Variants in NDE1 observed in about 807,000 individuals in gnomAD.
The protein encoded by NDE1 is nuclear distribution protein nudE homolog 1.
Under a neutral mutation model 43.4 loss-of-function variants are expected in NDE1, and 28 were observed. The observed-to-expected ratio is 0.65, with a 90% CI of 0.48 to 0.89. The LOEUF (loss-of-function observed/expected upper bound fraction) is 0.89, where lower values mean the gene tolerates loss of function less well. Ranked by LOEUF, NDE1 falls within the 40% of genes least tolerant of loss-of-function variation. The pLI, the probability that NDE1 is intolerant of heterozygous loss-of-function variation, is 0.00. For synonymous variants in NDE1, 184 were observed against 172.0 expected (o/e 1.07, Z -0.55); for missense variants, 441 against 434.1 (o/e 1.02, Z -0.14).
rs367862587 is a variant in NDE1 at position 15,704,401 on chromosome 16, AAT to A, written c.947+7544_947+7545del. 6.5e-3 allele frequency among the ~76,000 whole-genome samples: 990 copies of A among 152,250 alleles called. 12 individuals carry two copies. The highest frequency in any genetic ancestry group is 0.023 in the African/African-American group (953 of 41,542). ...TTCAAAGCAAGACGATCTGCTTTTC[AAT>A]ATGTCAGGCTTGGTCATTTGAGAAG... is the stretch of plus-strand genomic sequence containing the variant. On this transcript the variant is annotated intron_variant, in intron 8 of 8. Coordinates refer to ENST00000396354, the MANE Select transcript of NDE1 (RefSeq NM_017668.3).
chr16:15,717,835 G>C (rs1369262870), intron 8 of NDE1: 5 of 262,918 alleles, frequency 1.9e-5, no homozygotes, highest in South Asian at 9.5e-5. Flanking sequence ...TGCCACCCAG[G>C]CTGAGCGAGT....
chr16:15,716,187 C>T (rs549943402), intron 8 of NDE1, among the ~76,000 whole-genome samples: 2 of 152,256 alleles, frequency 1.3e-5, no homozygotes, highest in South Asian at 4.1e-4. Flanking sequence ...CCTACCTCAG[C>T]CTCCCAAAGT....
intron 4 of NDE1, among the ~76,000 whole-genome samples, chr16:15,678,858 C>T (rs1027189956): frequency 3.3e-5 from 5 of 152,030 alleles, no homozygotes; most frequent in Non-Finnish European, 7.4e-5. Context: ...GGGCGGATCA[C>T]GAGGTCAGGA....
At chr16:15,653,430 G>A (rs368651250) in intron 1 of NDE1, among the ~76,000 whole-genome samples, 6 of 152,240 alleles carry the variant, frequency 3.9e-5, no homozygotes, top group African/African-American at 1.4e-4. Context: ...CCTGGCTGTC[G>A]GAGCATGTGT....
chr16:15,693,624 G>C (rs2038862112), intron 6 of NDE1, among the ~76,000 whole-genome samples: 1 of 151,940 alleles, frequency 6.6e-6, no homozygotes, highest in South Asian at 2.1e-4. Context: ...AACATAGTGA[G>C]ACCCTGTCTC....
intron 1 of NDE1, among the ~76,000 whole-genome samples, chr16:15,657,507 A>C (rs898828626): frequency 2.0e-5 from 3 of 152,192 alleles, no homozygotes; most frequent in Non-Finnish European, 4.4e-5. Context: ...ATCTGGGCTC[A>C]TTAGAGCTTA....
intron 6 of NDE1, among the ~76,000 whole-genome samples, chr16:15,693,060 G>T (rs2038831805): frequency 1.3e-5 from 2 of 151,622 alleles, no homozygotes; most frequent in South Asian, 4.2e-4. Context: ...GAGTGCAGCG[G>T]CATTGATCTT....
At chr16:15,648,941 A>G (rs1006981236), upstream of NDE1, among the ~76,000 whole-genome samples, 1 of 152,144 alleles carries the variant, frequency 6.6e-6, no homozygotes, top group Non-Finnish European at 1.5e-5. Context: ...CACGCCTGTA[A>G]TCCCAGGACT....
At chr16:15,724,016 A>G in intron 8 of NDE1, 175 bp from the exon 9 acceptor site, 1 of 1,408,874 alleles carries the variant, frequency 7.1e-7, no homozygotes, top group Non-Finnish European at 9.8e-7. Flanking sequence ...TGGTCGCCCA[A>G]GACAAGATAA....
intron 1 of NDE1, among the ~76,000 whole-genome samples, chr16:15,663,198 C>T (rs2037134351): frequency 6.6e-6 from 1 of 151,918 alleles, no homozygotes; most frequent in South Asian, 2.1e-4. Flanking sequence ...CTCATTCCTT[C>T]TTCCCCTGCT....
chr16:15,714,205 G>C (rs1271503996), intron 8 of NDE1: 2 of 153,778 alleles, frequency 1.3e-5, no homozygotes, highest in Non-Finnish European at 2.9e-5. Flanking sequence ...GCCCTTGGGA[G>C]CAGGGGGGAC....
At chr16:15,720,377 G>C in intron 8 of NDE1, 1 of 1,560,512 alleles carries the variant, frequency 6.4e-7, no homozygotes, top group South Asian at 1.2e-5. Context: ...GCTCACCTAG[G>C]CAGCACATCA....
chr16:15,725,889 T>TA lies in NDE1; in HGVS notation c.*1640dup, dbSNP rs1320564133. Reference sequence around the variant, plus strand: ...CCCAGAGTAAGGATCAACATACATGTAATAGGTTCTCAAAAGCCCTACATC... The same window carrying TA: ...CCCAGAGTAAGGATCAACATACATGTAAATAGGTTCTCAAAAGCCCTACATC... On this transcript the variant is annotated 3_prime_UTR_variant, in exon 9 of 9. Transcript: ENST00000396354. The TA allele has an allele frequency of 5.1e-6, 2 of 391,106 alleles. No homozygotes were observed. The highest frequency in any genetic ancestry group is 9.0e-6 in the Non-Finnish European group (2 of 221,972). The allele number at this position is 391,106 out of a possible 1,614,324, so 24.2% of individuals were successfully genotyped here. A position where few individuals can be genotyped will look rare whatever the true frequency, so the allele number is the denominator to read the frequency against.
intron 1 of NDE1, among the ~76,000 whole-genome samples, chr16:15,655,900 A>G (rs1287176702): frequency 6.8e-6 from 1 of 147,714 alleles, no homozygotes; most frequent in Non-Finnish European, 1.5e-5. Context: ...AACACCGCAT[A>G]TTCTCACTCA....
chr16:15,669,957 T>C (rs527756779), intron 3 of NDE1, among the ~76,000 whole-genome samples: 7 of 152,334 alleles, frequency 4.6e-5, no homozygotes, highest in Admixed American at 3.3e-4. Context: ...CTGTACATGC[T>C]GTAGGGCTCA....
intron 7 of NDE1, among the ~76,000 whole-genome samples, chr16:15,695,273 C>G (rs546211757): frequency 7.2e-6 from 1 of 138,714 alleles, no homozygotes; most frequent in Non-Finnish European, 1.5e-5. Context: ...TTTGGGAGAC[C>G]GAGATGGGTG....
At chr16:15,654,950 T>G (rs990596020) in intron 1 of NDE1, among the ~76,000 whole-genome samples, 3 of 151,900 alleles carry the variant, frequency 2.0e-5, no homozygotes, top group Non-Finnish European at 4.4e-5. Flanking sequence ...AGAGAACCCT[T>G]GCAAGTCATG....
intron 4 of NDE1, chr16:15,683,329 T>C (rs765973225): frequency 6.6e-6 from 1 of 152,158 alleles, no homozygotes; most frequent in Non-Finnish European, 1.5e-5. Context: ...ATTTTGCTGT[T>C]ATACTAAATA....
intron 8 of NDE1, among the ~76,000 whole-genome samples, chr16:15,698,706 C>T (rs1330555134): frequency 2.0e-5 from 3 of 151,688 alleles, no homozygotes; most frequent in Non-Finnish European, 4.4e-5. Context: ...ACTAAAAATA[C>T]GAAAATTAGC....
Sources: gnomAD v4.1 joint callset for allele counts (sites outside exome capture counted in the v4.1 genomes callset) on GRCh38, gnomAD v4.1.1 for gene constraint, MANE v1.5 for transcripts, NCBI Gene and HGNC (gene_info 2026-07-23, HGNC 2026-07-21) for gene names.